HS3ST4: variants seen among roughly 807,000 people sequenced by gnomAD.
The protein encoded by HS3ST4 is heparan sulfate glucosamine 3-O-sulfotransferase 4.
Under a neutral mutation model 29.2 loss-of-function variants are expected in HS3ST4, and 17 were observed. The observed-to-expected ratio is 0.58, with a 90% CI of 0.40 to 0.87. The LOEUF (loss-of-function observed/expected upper bound fraction) is 0.87. HS3ST4 is among the 40% of genes least tolerant of loss of function. The pLI, the probability that HS3ST4 is intolerant of heterozygous loss-of-function variation, is 0.00. For synonymous variants in HS3ST4, 314 were observed against 285.7 expected (o/e 1.10, Z -1.00); for missense variants, 627 against 634.5 (o/e 0.99, Z 0.13).
At chr16:26,110,698 G>C (rs1899116787) in intron 1 of HS3ST4, among the ~76,000 whole-genome samples, 2 of 152,128 alleles carry the variant, frequency 1.3e-5, no homozygotes, top group African/African-American at 2.4e-5. Context: ...AGTGGGCCTT[G>C]GAAATTGTAA....
rs530462482 is a variant in HS3ST4 at position 26,036,774 on chromosome 16, C to T, written c.735-98838C>T. ...AAATTCTTTGTAACATAATCTGTAT[C>T]TTGGAGGGTTTCTTTGCTGCAGACA... is the stretch of plus-strand genomic sequence containing the variant. On this transcript the variant is annotated intron_variant, in intron 1 of 1. Transcript: ENST00000331351. Among the ~76,000 whole-genome samples the T allele has an allele frequency of 3.3e-5, 5 of 152,278 alleles. No individual in the cohort carries two copies. In the South Asian group the frequency reaches 1.0e-3, roughly 32 times the overall value.
chr16:25,994,147 G>T (rs149047020), intron 1 of HS3ST4, among the ~76,000 whole-genome samples: 1 of 151,964 alleles, frequency 6.6e-6, no homozygotes, highest in Admixed American at 6.6e-5. Context: ...CATCACATTT[G>T]GGGGCTAGGG....
chr16:25,772,553 G>C (rs1966843873), intron 1 of HS3ST4, among the ~76,000 whole-genome samples: 1 of 152,166 alleles, frequency 6.6e-6, no homozygotes, highest in South Asian at 2.1e-4. Context: ...GTTTCAGTGT[G>C]TTTAGGGATT....
intron 1 of HS3ST4, among the ~76,000 whole-genome samples, chr16:25,723,871 T>C (rs1231995502): frequency 6.6e-6 from 1 of 152,202 alleles, no homozygotes; most frequent in Non-Finnish European, 1.5e-5. Context: ...CCCAGCACTT[T>C]GGGAGGCCGA....
intron 1 of HS3ST4, among the ~76,000 whole-genome samples, chr16:25,796,529 C>G (rs1451518669): frequency 1.3e-5 from 2 of 152,156 alleles, no homozygotes; most frequent in Non-Finnish European, 2.9e-5. Flanking sequence ...ATTGTTGCCA[C>G]TGAGCAACCG....
intron 1 of HS3ST4, among the ~76,000 whole-genome samples, chr16:26,051,872 CCCTCCCTG>C (rs1361117448): frequency 7.3e-6 from 1 of 137,778 alleles, no homozygotes; most frequent in African/African-American, 2.9e-5. Context: ...TTCCCTGCCT[CCCTCCCTG>C]CCTCCCTCCC....
chr16:25,998,303 AT>A (rs1969174741), intron 1 of HS3ST4, among the ~76,000 whole-genome samples: 2 of 152,298 alleles, frequency 1.3e-5, no homozygotes, highest in South Asian at 4.1e-4. Flanking sequence ...TAATATTCTT[AT>A]AAAACTGAGC....
rs371412344 is a variant in HS3ST4 at position 26,135,684 on chromosome 16, G to A, written c.807G>A (p.Glu269=). ...CTCCAAGTTACTTTGTGACAAATGA[G>A]GCTCCCAAGCGCATTCACTCCATGG... ...EKTPSYFVTN[E]APKRIHSMAK... is the part of the protein sequence containing the mutation. Residue 269 remains glutamate, a synonymous_variant, in exon 2 of 2, where the codon GAG becomes GAA. Coordinates refer to ENST00000331351, the MANE Select transcript of HS3ST4 (RefSeq NM_006040.3). The A allele has an allele frequency of 6.2e-7, 1 of 1,613,700 alleles. No homozygotes were observed. The highest frequency in any genetic ancestry group is 1.1e-5 in the South Asian group (1 of 91,036).
chr16:25,806,610 T>A (rs977866089), intron 1 of HS3ST4, among the ~76,000 whole-genome samples: 2 of 152,324 alleles, frequency 1.3e-5, no homozygotes, highest in Non-Finnish European at 1.5e-5. Flanking sequence ...TCATTTTTTT[T>A]AATTGAACTT....
At chr16:25,893,264 T>TC (rs1567266468) in intron 1 of HS3ST4, among the ~76,000 whole-genome samples, 1 of 152,174 alleles carries the variant, frequency 6.6e-6, no homozygotes, top group South Asian at 2.1e-4. Context: ...GGTGCTGGGA[T>TC]TATGGCCATG....
intron 1 of HS3ST4, among the ~76,000 whole-genome samples, chr16:25,948,993 T>C (rs4534847): frequency 0.34 from 51,589 of 151,892 alleles, 10,177 homozygotes; most frequent in African/African-American, 0.55. Context: ...TATTTATGAC[T>C]CCCTCAGATG....
intron 1 of HS3ST4, among the ~76,000 whole-genome samples, chr16:25,776,172 G>A (rs34273474): frequency 0.47 from 71,959 of 151,858 alleles, 18,186 homozygotes; most frequent in Non-Finnish European, 0.58. Flanking sequence ...AACATGAGGC[G>A]GGTGACACAA....
At chr16:25,764,068 T>C (rs997928358) in intron 1 of HS3ST4, among the ~76,000 whole-genome samples, 1 of 152,180 alleles carries the variant, frequency 6.6e-6, no homozygotes, top group African/African-American at 2.4e-5. Flanking sequence ...TACCAGCTGA[T>C]TCCTGGCTTA....
chr16:25,998,835 T>G (rs1951864156), intron 1 of HS3ST4, among the ~76,000 whole-genome samples: 1 of 152,212 alleles, frequency 6.6e-6, no homozygotes, highest in African/African-American at 2.4e-5. Flanking sequence ...AAAATGTCCC[T>G]GTTAAAGTGT....
chr16:25,928,080 T>G (rs1012653509), intron 1 of HS3ST4, among the ~76,000 whole-genome samples: 6 of 149,702 alleles, frequency 4.0e-5, no homozygotes, highest in Non-Finnish European at 8.9e-5. Flanking sequence ...ATGCCGGTGC[T>G]TGCTACTTGA....
At chr16:25,911,507 T>G (rs1251580391) in intron 1 of HS3ST4, among the ~76,000 whole-genome samples, 2 of 141,452 alleles carry the variant, frequency 1.4e-5, no homozygotes, top group Admixed American at 7.0e-5. Context: ...TTTTTTTTTT[T>G]TTTTTTTTTT....
At chr16:25,731,555 C>T (rs1966570002) in intron 1 of HS3ST4, among the ~76,000 whole-genome samples, 1 of 152,024 alleles carries the variant, frequency 6.6e-6, no homozygotes, top group Non-Finnish European at 1.5e-5. Flanking sequence ...TGCCCAGGCT[C>T]ATCTTGAGCT....
chr16:25,808,165 G>T (rs1228676301), intron 1 of HS3ST4, among the ~76,000 whole-genome samples: 1 of 152,048 alleles, frequency 6.6e-6, no homozygotes, highest in African/African-American at 2.4e-5. Context: ...TTATTTTATG[G>T]ATCATGCTTT....
At chr16:25,967,140 T>C (rs1331843946) in intron 1 of HS3ST4, among the ~76,000 whole-genome samples, 1 of 152,120 alleles carries the variant, frequency 6.6e-6, no homozygotes, top group Non-Finnish European at 1.5e-5. Flanking sequence ...AAGACATGTA[T>C]TCTATAATTC....
Sources: gnomAD v4.1 joint callset for allele counts (sites outside exome capture counted in the v4.1 genomes callset) on GRCh38, gnomAD v4.1.1 for gene constraint, MANE v1.5 for transcripts, NCBI Gene and HGNC (gene_info 2026-07-23, HGNC 2026-07-21) for gene names.